The following ZNF248 variants were observed in gnomAD, a reference collection of about 807,000 sequenced individuals.
The protein encoded by ZNF248 is KRAB protein domain.
Under a neutral mutation model 44.3 loss-of-function variants are expected in ZNF248, and 20 were observed. The observed-to-expected ratio is 0.45, with a 90% CI of 0.32 to 0.66. The LOEUF (loss-of-function observed/expected upper bound fraction) is 0.66. Ranked by LOEUF, ZNF248 falls within the 30% of genes least tolerant of loss-of-function variation. ZNF248 has a pLI of 0.04. For synonymous variants in ZNF248, 224 were observed against 229.0 expected (o/e 0.98, Z 0.20); for missense variants, 654 against 677.0 (o/e 0.97, Z 0.38).
intron 6 of ZNF248, among the ~76,000 whole-genome samples, chr10:37,780,199 C>T (rs1427726494): frequency 6.6e-6 from 1 of 151,758 alleles, no homozygotes; most frequent in African/African-American, 2.4e-5. Flanking sequence ...AAGGAGCCCG[C>T]ATCGCCAAGT....
At chr10:37,777,525 GTCT>G (rs899416655) in intron 6 of ZNF248, among the ~76,000 whole-genome samples, 6 of 146,704 alleles carry the variant, frequency 4.1e-5, no homozygotes, top group African/African-American at 7.5e-5. Context: ...TTGCAGCCTG[GTCT>G]TCGACTCTTT....
rs143363900 is a variant in ZNF248, at chr10:37,831,894, T to C, written c.1461A>G (p.Thr487=). ...CATTACATATAAACGGTTTCTCCCCTGTGTGTGTTCTCTGATGCACAGTGA... is the reference window on the plus strand; with the variant it reads ...CATTACATATAAACGGTTTCTCCCCCGTGTGTGTTCTCTGATGCACAGTGA... ...SALTVHQRTH[T]GEKPFICNEC... The change falls in exon 6 of 6, where the codon ACA becomes ACG. Residue 487 remains threonine (T), a synonymous_variant. Coordinates refer to ENST00000395867, the MANE Select transcript of ZNF248 (RefSeq NM_021045.3). 4 of 1,613,892 alleles carry C rather than the reference T, an allele frequency of 2.5e-6. No individual in the cohort carries two copies. The highest frequency in any genetic ancestry group is 1.7e-5 in the Admixed American group (1 of 59,984).
chr10:37,793,059 C>T (rs762712736), intron 6 of ZNF248, among the ~76,000 whole-genome samples: 15 of 152,026 alleles, frequency 9.9e-5, no homozygotes, highest in African/African-American at 1.4e-4. Context: ...ATTGGCCGGG[C>T]GCGGTGGCTC....
rs140151574 is a variant in ZNF248 at position 37,779,253 on chromosome 10, C to T, written c.331-2678G>A. Among the ~76,000 whole-genome samples the T allele has an allele frequency of 6.0e-3, 921 of 152,300 alleles. 10 individuals carry two copies. The highest frequency in any genetic ancestry group is 0.021 in the African/African-American group (879 of 41,556). On this transcript the variant is annotated intron_variant, in intron 6 of 6. Transcript: ENST00000615949. Reference sequence around the variant, plus strand: ...CCAACATCCTTGATGAACATTGATGCTAAAATCCTCAATAAAATACTGGCA... The same window carrying T: ...CCAACATCCTTGATGAACATTGATGTTAAAATCCTCAATAAAATACTGGCA...
chr10:37,855,608 C>T (rs924419866), intron 3 of ZNF248, among the ~76,000 whole-genome samples: 2 of 152,204 alleles, frequency 1.3e-5, no homozygotes, highest in African/African-American at 4.8e-5. Context: ...GGTGGCATTA[C>T]AGACACCAAC....
Position 37,833,756 on chromosome 10 carries a change from G to A in ZNF248, c.239-640C>T, listed in dbSNP as rs902944276. ...AGAAGAAATAGTTTTTTTTAATGCT[G>A]TAGGAAAAGCATACTAGGGAAGGTG... is the stretch of plus-strand genomic sequence containing the variant. On this transcript the variant is annotated intron_variant, in intron 5 of 5. Transcript: ENST00000395867. 1.4e-4 allele frequency among the ~76,000 whole-genome samples: 22 copies of A among 152,148 alleles called. 2 individuals are homozygous for A. Among genetic ancestry groups the A allele is most frequent in the Admixed American group, 1.2e-3 (18 of 15,266 alleles).
chr10:37,807,359 C>G (rs188628842), intron 6 of ZNF248, among the ~76,000 whole-genome samples: 57 of 152,142 alleles, frequency 3.7e-4, no homozygotes, highest in Admixed American at 2.2e-3. Flanking sequence ...GCAAGGGGTG[C>G]GAGACCTCCA....
downstream of ZNF248, among the ~76,000 whole-genome samples, chr10:37,772,843 C>G (rs547476875): frequency 6.6e-6 from 1 of 152,340 alleles, no homozygotes; most frequent in South Asian, 2.1e-4. Flanking sequence ...TTCCACATTT[C>G]TGACTAAACT....
In ZNF248 at chr10:37,832,684, T is replaced by C. The variant is rs369540925; in HGVS notation, c.671A>G (p.His224Arg). The change falls in exon 6 of 6, where the codon CAT becomes CGT. Residue 224 changes from histidine (H) to arginine (R), a missense_variant. His to Arg is a conservative substitution (Grantham distance 29, BLOSUM62 0). Transcript: ENST00000395867. Reference protein sequence around the residue: ...FEYSKNGQGFHDEAAFFTNKR... With the variant: ...FEYSKNGQGFRDEAAFFTNKR... ...ATTTGTAAAAAATGCTGCCTCATCATGGAAGCCTTGTCCATTTTTACTATA... is the reference window on the plus strand; with the variant it reads ...ATTTGTAAAAAATGCTGCCTCATCACGGAAGCCTTGTCCATTTTTACTATA... 1.2e-4 allele frequency: 188 copies of C among 1,613,388 alleles called. No individual in the cohort carries two copies. The highest frequency in any genetic ancestry group is 1.5e-4 in the Non-Finnish European group (179 of 1,179,892).
chr10:37,803,636 C>T (rs915714174), intron 6 of ZNF248: 1 of 152,210 alleles, frequency 6.6e-6, no homozygotes, highest in Non-Finnish European at 1.5e-5. Context: ...TGACCTTCCA[C>T]GTGGGTTCTT....
chr10:37,850,450 A>G (rs1216306906), intron 3 of ZNF248, among the ~76,000 whole-genome samples: 2 of 152,220 alleles, frequency 1.3e-5, no homozygotes, highest in Non-Finnish European at 2.9e-5. Context: ...AGCTTATTCT[A>G]AAACTTATAT....
chr10:37,792,331 A>G (rs2048656377), intron 6 of ZNF248, among the ~76,000 whole-genome samples: 2 of 152,240 alleles, frequency 1.3e-5, no homozygotes, highest in African/African-American at 4.8e-5. Flanking sequence ...AGTAATGTCA[A>G]GAATAAAATA....
intron 6 of ZNF248, among the ~76,000 whole-genome samples, chr10:37,790,281 A>G (rs2048348051): frequency 6.6e-6 from 1 of 151,168 alleles, no homozygotes; most frequent in Non-Finnish European, 1.5e-5. Flanking sequence ...AAAAAAAAAA[A>G]AAAAAAAAAG....
At chr10:37,825,148 A>T (rs1421979365), downstream of ZNF248, among the ~76,000 whole-genome samples, 1 of 152,194 alleles carries the variant, frequency 6.6e-6, no homozygotes, top group Non-Finnish European at 1.5e-5. Context: ...CTAAAAAGGT[A>T]AACTATATAC....
At position 37,832,474 on chromosome 10, in the gene ZNF248, T is replaced by C. The variant is rs750840853; in HGVS notation, c.881A>G (p.Asp294Gly). 5 of 1,613,988 alleles carry C rather than the reference T, an allele frequency of 3.1e-6. No individual in the cohort carries two copies. Among genetic ancestry groups the C allele is most frequent in the Non-Finnish European group, 4.2e-6 (5 of 1,179,940 alleles). The change falls in exon 6 of 6, where the codon GAC becomes GGC. Residue 294 changes from aspartate to glycine, a missense_variant. Physicochemically the swap from Asp to Gly is moderately conservative, Grantham distance 94. Transcript: ENST00000395867. ...ATATTCATTATATTCATAAGGATTG[T>C]CCTTTGTAAGAGCTCTCTGATGTCC... ...RFGHQRALTKDNPYEYNEYGE... is the reference protein window; with the variant it reads ...RFGHQRALTKGNPYEYNEYGE...
the ZNF248 span, among the ~76,000 whole-genome samples, chr10:37,762,474 T>A: frequency 6.6e-6 from 1 of 152,222 alleles, no homozygotes; most frequent in East Asian, 1.9e-4. Context: ...GTCAATGTTC[T>A]TAACCACTGT....
At chr10:37,763,197 G>A in the ZNF248 span, among the ~76,000 whole-genome samples, 2 of 152,234 alleles carry the variant, frequency 1.3e-5, no homozygotes, top group African/African-American at 2.4e-5. Flanking sequence ...CAAGGGCCCT[G>A]AGCTTTACAC....
intron 6 of ZNF248, among the ~76,000 whole-genome samples, chr10:37,808,278 CTTT>C (rs796239232): frequency 7.3e-6 from 1 of 137,596 alleles, no homozygotes. Context: ...AACCTTTTTT[CTTT>C]TTTTTTTTTT....
At chr10:37,787,105 T>C (rs188799256) in intron 6 of ZNF248, among the ~76,000 whole-genome samples, 12 of 152,042 alleles carry the variant, frequency 7.9e-5, no homozygotes, top group African/African-American at 2.4e-4. Flanking sequence ...TGGTGAAACC[T>C]TGTCTCTACT....
Sources: allele counts gnomAD v4.1 joint callset (sites outside exome capture counted in the v4.1 genomes callset), GRCh38; gene constraint gnomAD v4.1.1; transcripts MANE v1.5; gene names NCBI Gene and HGNC (gene_info 2026-07-23, HGNC 2026-07-21).